The following ARHGEF1 variants were observed in gnomAD, a reference collection of about 807,000 sequenced individuals.
ARHGEF1 encodes Rho guanine nucleotide exchange factor 1.
In ARHGEF1, 40 loss-of-function variants were observed where a neutral mutation model predicts 119.7. That is an observed-to-expected ratio of 0.33 (90% confidence interval 0.26 to 0.44). The LOEUF (loss-of-function observed/expected upper bound fraction) is 0.44, where lower values mean the gene tolerates loss of function less well. ARHGEF1 is among the 20% of genes least tolerant of loss of function. The probability of loss-of-function intolerance (pLI) is 1.00; values close to 1 mark genes in which losing one functional copy is unlikely to be tolerated. For synonymous variants in ARHGEF1, 494 were observed against 521.0 expected, an observed-to-expected ratio of 0.95 and a Z score of 0.71; for missense variants, 976 against 1,268.3, an observed-to-expected ratio of 0.77 and a Z score of 3.50.
chr19:41,905,628 C>T lies in ARHGEF1; in HGVS notation c.2337-132C>T, dbSNP rs541201479. 2.2e-6 allele frequency: 2 copies of T among 894,080 alleles called. No individual in the cohort carries two copies. Among genetic ancestry groups the T allele is most frequent in the East Asian group, 2.6e-5 (1 of 38,308 alleles). The allele number at this position is 894,080 out of a possible 1,614,324, so 55.4% of individuals were successfully genotyped here. A position where few individuals can be genotyped will look rare whatever the true frequency, so the allele number is the denominator to read the frequency against. ...CCATTGTCTGGGCCTCTCTGTCTCC[C>T]TGTCTCCCGGCCTCGACCTCTGTCT... On this transcript the variant is annotated intron_variant, in intron 24 of 28. Coordinates refer to ENST00000354532, the MANE Select transcript of ARHGEF1 (RefSeq NM_004706.4). The surrounding 1 kb of genome is among the most constrained non-coding windows in gnomAD (Gnocchi z 6.4).
At chr19:41,891,762 G>C (rs560953651) in intron 4 of ARHGEF1, among the ~76,000 whole-genome samples, 2 of 152,258 alleles carry the variant, frequency 1.3e-5, no homozygotes, top group East Asian at 3.9e-4. Flanking sequence ...ATTATTGCCG[G>C]GAGGAGACCA....
chr19:41,928,566 G>A, intron 1 of ARHGEF1: 1 of 165,718 alleles, frequency 6.0e-6, no homozygotes, highest in Non-Finnish European at 1.3e-5. Flanking sequence ...CGGCCGCCCG[G>A]CCGGGCTCGG....
intron 18 of ARHGEF1, among the ~76,000 whole-genome samples, chr19:41,914,378 C>T (rs1555851573): frequency 2.0e-5 from 3 of 151,466 alleles, no homozygotes; most frequent in African/African-American, 7.3e-5. Context: ...GGTCTCTCTC[C>T]CCACCTCACT....
chr19:41,899,288 C>A (rs1555848568), intron 14 of ARHGEF1, among the ~76,000 whole-genome samples: 1 of 152,038 alleles, frequency 6.6e-6, no homozygotes, highest in African/African-American at 2.4e-5. Context: ...CAGGCCCAGT[C>A]AAGGAAGAGC....
upstream of ARHGEF1, among the ~76,000 whole-genome samples, chr19:41,918,550 ACAC>A (rs1285609542): frequency 1.4e-5 from 2 of 145,672 alleles, no homozygotes; most frequent in African/African-American, 2.6e-5. Flanking sequence ...CCATACACAC[ACAC>A]ATCACTAACC....
chr19:41,903,709 G>A lies in ARHGEF1; in HGVS notation c.1842G>A (p.Arg614=). ...TAATGCTCCCGTCTCTGCCCCAGAG[G>A]CTCAAGGACTATCAGCGGCGCCTGG... ...QAVRDMEDLL[R]LKDYQRRLDL... The change falls in exon 20 of 29, where the codon AGG becomes AGA. Residue 614 remains arginine, a splice_region_variant and synonymous_variant. Transcript: ENST00000354532. This position sits in a 1 kb window ranked among gnomAD's most constrained non-coding sequence, Gnocchi z 4.2. 6.2e-7 allele frequency: 1 copy of A among 1,612,610 alleles called. No individual in the cohort carries two copies. The highest frequency in any genetic ancestry group is 1.3e-5 in the African/African-American group (1 of 74,984).
intron 18 of ARHGEF1, among the ~76,000 whole-genome samples, chr19:41,918,009 C>T (rs540681591): frequency 6.6e-6 from 1 of 151,918 alleles, no homozygotes; most frequent in Non-Finnish European, 1.5e-5. Flanking sequence ...GGCCGGCCCT[C>T]GACAGGCACC....
chr19:41,885,368 C>A (rs757733046), intron 1 of ARHGEF1, among the ~76,000 whole-genome samples: 1 of 152,238 alleles, frequency 6.6e-6, no homozygotes, highest in African/African-American at 2.4e-5. Context: ...CATGATGTGT[C>A]TCAGAGCTTT....
Position 41,903,628 on chromosome 19 carries a change from C to T in ARHGEF1, c.1840-79C>T. The T allele has an allele frequency of 6.0e-6, 9 of 1,493,886 alleles. No individual in the cohort carries two copies. Among genetic ancestry groups the T allele is most frequent in the South Asian group, 1.1e-5 (1 of 87,108 alleles). 92.5% of individuals were successfully genotyped at this position (1,493,886 alleles called of 1,614,324 possible). On this transcript the variant is annotated intron_variant, in intron 19 of 28. Coordinates refer to ENST00000354532, the MANE Select transcript of ARHGEF1 (RefSeq NM_004706.4). The surrounding 1 kb of genome is among the most constrained non-coding windows in gnomAD (Gnocchi z 4.2). ...CCCGCATCAGAAGTTGGTCTTGGCT[C>T]TCATCTTACCAATGTGGGTCACTGC...
chr19:41,890,160 A>G (rs1179174974), intron 4 of ARHGEF1: 2 of 152,108 alleles, frequency 1.3e-5, no homozygotes, highest in African/African-American at 4.8e-5. Context: ...GGGGGTGTGA[A>G]GAGTGGATAT....
Position 41,892,926 on chromosome 19 carries a change from T to C in ARHGEF1, c.614+77T>C, listed in dbSNP as rs1255549140. On this transcript the variant is annotated intron_variant, in intron 7 of 28. Coordinates refer to ENST00000354532, the MANE Select transcript of ARHGEF1 (RefSeq NM_004706.4). The surrounding 1 kb of genome is among the most constrained non-coding windows in gnomAD (Gnocchi z 6.3). ...CCCGTGCTACCTCTGGCATGTTCCATCCCGTTTGCAGGTTCCCTCTTCAGG... is the reference window on the plus strand; with the variant it reads ...CCCGTGCTACCTCTGGCATGTTCCACCCCGTTTGCAGGTTCCCTCTTCAGG... 27 of 1,430,216 alleles carry C rather than the reference T, an allele frequency of 1.9e-5. No individual in the cohort carries two copies. Among genetic ancestry groups the C allele is most frequent in the Non-Finnish European group, 2.5e-5 (27 of 1,094,272 alleles). The allele number at this position is 1,430,216 out of a possible 1,614,324, so 88.6% of individuals were successfully genotyped here. A position where few individuals can be genotyped will look rare whatever the true frequency, so the allele number is the denominator to read the frequency against.
rs542778998 is a variant in ARHGEF1, at chr19:41,902,992, C to T, written c.1738+94C>T. 154 of 1,062,266 alleles carry T rather than the reference C, an allele frequency of 1.4e-4. No homozygotes were observed. The East Asian group carries it at 1.8e-3, about 13-fold the overall frequency. The allele number at this position is 1,062,266 out of a possible 1,614,324, so 65.8% of individuals were successfully genotyped here. A position where few individuals can be genotyped will look rare whatever the true frequency, so the allele number is the denominator to read the frequency against. On this transcript the variant is annotated intron_variant, in intron 18 of 28. Coordinates refer to ENST00000354532, the MANE Select transcript of ARHGEF1 (RefSeq NM_004706.4). This position sits in a 1 kb window ranked among gnomAD's most constrained non-coding sequence, Gnocchi z 6.5. ...TTTCATCAGTGATACCATCACAGCT[C>T]ACTGCAGCCTCAACCTCCCAGGATC...
chr19:41,905,728 G>A lies in ARHGEF1; in HGVS notation c.2337-32G>A. On this transcript the variant is annotated intron_variant, in intron 24 of 28. Transcript: ENST00000354532. The surrounding 1 kb of genome is among the most constrained non-coding windows in gnomAD (Gnocchi z 6.4). The stretch of plus-strand genomic sequence containing the variant: ...CCCCTGCGGCCCCCCAGGGCCAGGG[G>A]TGTGGGGTCACCCAGCACTTCCTCC... 1.2e-6 allele frequency: 2 copies of A among 1,612,700 alleles called. No homozygotes were observed. The highest frequency in any genetic ancestry group is 1.7e-6 in the Non-Finnish European group (2 of 1,179,382).
intron 13 of ARHGEF1, chr19:41,896,805 T>G: frequency 2.8e-6 from 1 of 355,970 alleles, no homozygotes; most frequent in Non-Finnish European, 5.3e-6. Context: ...CTCTCTCACC[T>G]CCCCTCTCCT....
intron 13 of ARHGEF1, chr19:41,897,475 G>A: frequency 2.4e-6 from 1 of 411,306 alleles, no homozygotes; most frequent in South Asian, 2.4e-5. Context: ...GCTAAGTATG[G>A]AAATCCTCCC....
Position 41,906,319 on chromosome 19 carries a change from C to T in ARHGEF1, c.2492-138C>T, listed in dbSNP as rs2074694625. 1 of 881,910 alleles carries T rather than the reference C, an allele frequency of 1.1e-6. No individual in the cohort carries two copies. Among genetic ancestry groups the T allele is most frequent in the East Asian group, 2.7e-5 (1 of 37,320 alleles). 54.6% of individuals were successfully genotyped at this position (881,910 alleles called of 1,614,324 possible). On this transcript the variant is annotated intron_variant, in intron 26 of 28. Transcript: ENST00000354532. This position sits in a 1 kb window ranked among gnomAD's most constrained non-coding sequence, Gnocchi z 4.5. ...TCACTTCTTCACCTCCCTTTGGATCCCCGAACCCCATCTGCTCAGCCTTGC... is the reference window on the plus strand; with the variant it reads ...TCACTTCTTCACCTCCCTTTGGATCTCCGAACCCCATCTGCTCAGCCTTGC...
In ARHGEF1 at chr19:41,888,303, G is replaced by C; in HGVS notation, c.111+25G>C. On this transcript the variant is annotated intron_variant, in intron 3 of 28. Coordinates refer to ENST00000354532, the MANE Select transcript of ARHGEF1 (RefSeq NM_004706.4). The surrounding 1 kb of genome is among the most constrained non-coding windows in gnomAD (Gnocchi z 5.1). ...AGTGAGTGGGAGATAGGGTGGAAAA[G>C]CTCTGTCCCAGGCTCAGTGTCCCGC... is the stretch of plus-strand genomic sequence containing the variant. 4 of 1,611,010 alleles carry C rather than the reference G, an allele frequency of 2.5e-6. No homozygotes were observed. The highest frequency in any genetic ancestry group is 3.4e-6 in the Non-Finnish European group (4 of 1,178,636).
intron 18 of ARHGEF1, among the ~76,000 whole-genome samples, chr19:41,914,796 T>C (rs1298416684): frequency 2.7e-5 from 1 of 37,070 alleles, no homozygotes; most frequent in Non-Finnish European, 5.5e-5. Context: ...CCACCGTCTC[T>C]GTCTCTCCCT....
In ARHGEF1 at chr19:41,903,991, A is replaced by AC. The variant is rs1432363066; in HGVS notation, c.1918-39dup. On this transcript the variant is annotated intron_variant, in intron 20 of 28. Transcript: ENST00000354532. This position sits in a 1 kb window ranked among gnomAD's most constrained non-coding sequence, Gnocchi z 4.2. The stretch of plus-strand genomic sequence containing the variant: ...CTTCCCCTCCCCACCAACCCCAATC[A>AC]CCCCCTGCCAACCTGCACAAACCAT... 2 of 1,539,842 alleles carry AC rather than the reference A, an allele frequency of 1.3e-6. No homozygotes were observed. The highest frequency in any genetic ancestry group is 1.8e-6 in the Non-Finnish European group (2 of 1,125,242).
Sources: allele counts gnomAD v4.1 joint callset (sites outside exome capture counted in the v4.1 genomes callset), GRCh38; gene constraint gnomAD v4.1.1; non-coding constraint Gnocchi (gnomAD v3.1); transcripts MANE v1.5; gene names NCBI Gene and HGNC (gene_info 2026-07-23, HGNC 2026-07-21).